SLC4A4: variants seen among roughly 807,000 people sequenced by gnomAD.
SLC4A4 encodes solute carrier family 4 member 4.
Under a neutral mutation model 111.5 loss-of-function variants are expected in SLC4A4, and 27 were observed. The ratio of observed to expected loss-of-function variants is 0.24; its 90% CI spans 0.18 to 0.33. SLC4A4 has a LOEUF of 0.33. Ranked by LOEUF, SLC4A4 falls within the 10% of genes least tolerant of loss-of-function variation. The probability of loss-of-function intolerance (pLI) is 1.00; values close to 1 mark genes in which losing one functional copy is unlikely to be tolerated. For missense variants in SLC4A4, 909 were observed against 1,315.5 expected (o/e 0.69, Z 4.78); for synonymous variants, 443 against 463.4 (o/e 0.96, Z 0.57).
chr4:71,064,747 A>C (rs1479653049), intron 1 of SLC4A4, among the ~76,000 whole-genome samples: 1 of 152,174 alleles, frequency 6.6e-6, no homozygotes, highest in Non-Finnish European at 1.5e-5. Context: ...GTTCATGGAC[A>C]TGGAACATTT....
chr4:71,511,625 G>A (rs1731928273), intron 16 of SLC4A4, among the ~76,000 whole-genome samples: 2 of 151,914 alleles, frequency 1.3e-5, no homozygotes, highest in Admixed American at 6.6e-5. Flanking sequence ...TATAACAAAA[G>A]GTTATAAGGG....
intron 16 of SLC4A4, among the ~76,000 whole-genome samples, chr4:71,529,150 G>T (rs1251158318): frequency 6.6e-6 from 1 of 151,996 alleles, no homozygotes; most frequent in African/African-American, 2.4e-5. Flanking sequence ...GAAATGGATA[G>T]CTTCCCAAAG....
chr4:71,449,860 T>A (rs915798892), intron 9 of SLC4A4, among the ~76,000 whole-genome samples: 6 of 152,220 alleles, frequency 3.9e-5, no homozygotes, highest in African/African-American at 1.4e-4. Context: ...ATTGACTATT[T>A]AAGGCCTTTT....
chr4:71,193,386 C>G (rs927192791), intron 1 of SLC4A4, among the ~76,000 whole-genome samples: 1 of 152,200 alleles, frequency 6.6e-6, no homozygotes, highest in African/African-American at 2.4e-5. Context: ...GTCTCGATCT[C>G]CTGACCTCGT....
chr4:71,167,266 G>C (rs912744438), intron 2 of SLC4A4, among the ~76,000 whole-genome samples: 6 of 152,120 alleles, frequency 3.9e-5, no homozygotes, highest in African/African-American at 1.4e-4. Flanking sequence ...GCTTGGCTTG[G>C]AGCCAAGCAA....
chr4:71,493,608 C>T (rs1247598901), intron 15 of SLC4A4, among the ~76,000 whole-genome samples: 4 of 151,796 alleles, frequency 2.6e-5, no homozygotes, highest in Admixed American at 2.0e-4. Context: ...CATCCTTAGT[C>T]AAAACAGTTA....
At chr4:71,445,961 C>T (rs1459990181) in intron 8 of SLC4A4, among the ~76,000 whole-genome samples, 1 of 152,106 alleles carries the variant, frequency 6.6e-6, no homozygotes, top group East Asian at 1.9e-4. Context: ...TAATGACTTC[C>T]TTCATACTTG....
At chr4:71,411,651 G>A (rs1465976954) in intron 7 of SLC4A4, among the ~76,000 whole-genome samples, 5 of 152,264 alleles carry the variant, frequency 3.3e-5, no homozygotes, top group African/African-American at 1.2e-4. Context: ...AAAAGAATAA[G>A]TGACAGATAC....
chr4:71,528,174 C>T (rs1279500872), intron 16 of SLC4A4, among the ~76,000 whole-genome samples: 2 of 152,112 alleles, frequency 1.3e-5, no homozygotes, highest in African/African-American at 4.8e-5. Flanking sequence ...ACATATCCTG[C>T]TATCAGAGTT....
intron 7 of SLC4A4, among the ~76,000 whole-genome samples, chr4:71,407,199 A>T (rs1720936603): frequency 6.6e-6 from 1 of 152,150 alleles, no homozygotes; most frequent in Non-Finnish European, 1.5e-5. Flanking sequence ...GGCAAACATC[A>T]TGCTGAATAG....
intron 3 of SLC4A4, among the ~76,000 whole-genome samples, chr4:71,293,380 A>G (rs1469978453): frequency 6.6e-6 from 1 of 151,398 alleles, no homozygotes; most frequent in African/African-American, 2.4e-5. Flanking sequence ...CCTGGGCAAC[A>G]TGTGAAACCC....
chr4:71,387,137 C>A (rs1718809975), intron 6 of SLC4A4, among the ~76,000 whole-genome samples: 1 of 152,202 alleles, frequency 6.6e-6, no homozygotes, highest in South Asian at 2.1e-4. Flanking sequence ...ACTCCTGCCT[C>A]CATTGTACTT....
chr4:71,124,073 T>TA, intron 2 of SLC4A4, among the ~76,000 whole-genome samples: 1 of 152,294 alleles, frequency 6.6e-6, no homozygotes, highest in East Asian at 1.9e-4. Flanking sequence ...TGTGGCACTT[T>TA]AGCACCCTAC....
intron 2 of SLC4A4, among the ~76,000 whole-genome samples, chr4:71,146,565 A>G (rs1035488401): frequency 1.3e-5 from 2 of 152,080 alleles, no homozygotes; most frequent in African/African-American, 4.8e-5. Flanking sequence ...GTCTCCCATT[A>G]TTATTGTGTG....
chr4:71,424,022 A>C (rs1291268582), intron 7 of SLC4A4, among the ~76,000 whole-genome samples: 1 of 152,170 alleles, frequency 6.6e-6, no homozygotes, highest in Non-Finnish European at 1.5e-5. Flanking sequence ...GCTTCTGCAC[A>C]GCAAAAGAAA....
intron 6 of SLC4A4, among the ~76,000 whole-genome samples, chr4:71,397,284 C>T (rs1274737400): frequency 1.3e-5 from 2 of 152,166 alleles, no homozygotes; most frequent in Non-Finnish European, 2.9e-5. Flanking sequence ...AAACCAGGAA[C>T]AATTTTATTT....
intron 7 of SLC4A4, among the ~76,000 whole-genome samples, chr4:71,405,344 A>G (rs1439670430): frequency 6.6e-6 from 1 of 152,116 alleles, no homozygotes; most frequent in African/African-American, 2.4e-5. Flanking sequence ...ATACTTATAT[A>G]TTTCTATATA....
chr4:71,182,865 T>C (rs1298332097), upstream of SLC4A4, among the ~76,000 whole-genome samples: 1 of 152,156 alleles, frequency 6.6e-6, no homozygotes. Flanking sequence ...GCCTGGGTTT[T>C]AGTGGCTTAG....
At chr4:71,102,937 A>C (rs1211877390) in intron 2 of SLC4A4, among the ~76,000 whole-genome samples, 2 of 150,398 alleles carry the variant, frequency 1.3e-5, no homozygotes, top group Non-Finnish European at 3.0e-5. Flanking sequence ...CTTTAAATGT[A>C]AATGGACTAA....
Sources: gnomAD v4.1 joint callset for allele counts (sites outside exome capture counted in the v4.1 genomes callset) on GRCh38, gnomAD v4.1.1 for gene constraint, MANE v1.5 for transcripts, NCBI Gene and HGNC (gene_info 2026-07-23, HGNC 2026-07-21) for gene names.